Variants in CFAP299 observed in about 807,000 individuals in gnomAD.
The protein encoded by CFAP299 is cilia- and flagella-associated protein 299.
CFAP299 carries 21 observed loss-of-function variants against 27.0 expected under a neutral mutation model. The ratio of observed to expected loss-of-function variants is 0.78; its 90% CI spans 0.55 to 1.12. The LOEUF (loss-of-function observed/expected upper bound fraction) is 1.12. Among genes scored for constraint, CFAP299 ranks in the 50% most tolerant of loss-of-function variants. CFAP299 has a pLI of 0.00. For synonymous variants in CFAP299, 104 were observed against 98.1 expected (o/e 1.06, Z -0.36); for missense variants, 310 against 276.6 (o/e 1.12, Z -0.86).
At chr4:80,357,930 A>G (rs150959843) in intron 1 of CFAP299, among the ~76,000 whole-genome samples, 52 of 152,228 alleles carry the variant, frequency 3.4e-4, no homozygotes, top group African/African-American at 1.2e-3. Context: ...TTGTAATATT[A>G]GGTTGTTAAC....
chr4:80,699,515 G>T (rs1213483052), intron 3 of CFAP299, among the ~76,000 whole-genome samples: 1 of 152,158 alleles, frequency 6.6e-6, no homozygotes, highest in African/African-American at 2.4e-5. Context: ...GGCAAAATGG[G>T]CAGTAAAGGT....
chr4:80,583,219 C>A, intron 3 of CFAP299, 36 bp downstream of exon 3: 3 of 1,174,940 alleles, frequency 2.6e-6, no homozygotes, highest in Non-Finnish European at 2.5e-6. Flanking sequence ...AAAATGTATA[C>A]ACTAAATGCA....
At chr4:80,859,277 A>G (rs1433388276) in intron 3 of CFAP299, among the ~76,000 whole-genome samples, 1 of 151,914 alleles carries the variant, frequency 6.6e-6, no homozygotes, top group African/African-American at 2.4e-5. Context: ...ATCTTCCTCC[A>G]TCCTTTTATT....
intron 3 of CFAP299, among the ~76,000 whole-genome samples, chr4:80,799,837 T>TATTTA (rs1363087893): frequency 2.6e-5 from 1 of 37,744 alleles, no homozygotes; most frequent in Non-Finnish European, 4.2e-5. Context: ...TATTTATATA[T>TATTTA]TATATTATAT....
chr4:80,890,250 T>C (rs1734196126), intron 4 of CFAP299, among the ~76,000 whole-genome samples: 1 of 152,106 alleles, frequency 6.6e-6, no homozygotes, highest in East Asian at 1.9e-4. Flanking sequence ...CACAAAAAGC[T>C]GTTAGAACCA....
intron 2 of CFAP299, among the ~76,000 whole-genome samples, chr4:80,376,332 CTGTT>C (rs1232952836): frequency 6.6e-6 from 1 of 151,980 alleles, no homozygotes; most frequent in African/African-American, 2.4e-5. Flanking sequence ...GATAATTGGG[CTGTT>C]TCTAGTTTTT....
At chr4:80,680,331 T>C (rs1719760393) in intron 3 of CFAP299, among the ~76,000 whole-genome samples, 6 of 152,156 alleles carry the variant, frequency 3.9e-5, no homozygotes, top group Admixed American at 2.0e-4. Context: ...AGTTTCTCAG[T>C]TTATACTTCT....
At chr4:80,887,586 T>C (rs866416582) in intron 4 of CFAP299, among the ~76,000 whole-genome samples, 41 of 151,600 alleles carry the variant, frequency 2.7e-4, no homozygotes, top group African/African-American at 9.0e-4. Context: ...CTAAAGAGAG[T>C]TCTTCAATCT....
chr4:80,569,016 T>G (rs1735449405), intron 2 of CFAP299, among the ~76,000 whole-genome samples: 1 of 152,142 alleles, frequency 6.6e-6, no homozygotes, highest in South Asian at 2.1e-4. Context: ...ATGACCACAC[T>G]GCCTATCAGG....
chr4:80,380,239 C>G (rs1249696532), intron 2 of CFAP299, among the ~76,000 whole-genome samples: 3 of 151,924 alleles, frequency 2.0e-5, no homozygotes, highest in Non-Finnish European at 4.4e-5. Flanking sequence ...AATATTTTTT[C>G]CGTCCTAGCC....
In CFAP299 at chr4:80,920,346, A is replaced by G. The variant is rs1735983956; in HGVS notation, c.477-24464A>G. 3.3e-5 allele frequency among the ~76,000 whole-genome samples: 5 copies of G among 152,138 alleles called. No individual in the cohort carries two copies. In the South Asian group the frequency reaches 1.0e-3, roughly 31 times the overall value. Reference sequence around the variant, plus strand: ...ACATTGAACCAAAGTTAAGCAAAGCAGTAGGGATGGGGTCAGGTAGGGCCA... The same window carrying G: ...ACATTGAACCAAAGTTAAGCAAAGCGGTAGGGATGGGGTCAGGTAGGGCCA... On this transcript the variant is annotated intron_variant, in intron 4 of 5. Coordinates refer to ENST00000358105, the MANE Select transcript of CFAP299 (RefSeq NM_152770.3).
rs944765047 is a variant in CFAP299, at chr4:80,848,179, C to T, written c.334-21814C>T. Among the ~76,000 whole-genome samples the T allele has an allele frequency of 2.6e-5, 4 of 151,814 alleles. No homozygotes were observed. The East Asian group carries it at 5.8e-4, about 22-fold the overall frequency. The stretch of plus-strand genomic sequence containing the variant: ...TGAGCTGAGATCATGCCACTGCACT[C>T]CAGTCTGGGCAATAGAGTGAGACCC... On this transcript the variant is annotated intron_variant, in intron 3 of 5. Coordinates refer to ENST00000358105, the MANE Select transcript of CFAP299 (RefSeq NM_152770.3).
At chr4:80,391,634 G>A (rs554412711) in intron 2 of CFAP299, among the ~76,000 whole-genome samples, 27 of 152,148 alleles carry the variant, frequency 1.8e-4, no homozygotes, top group Non-Finnish European at 3.5e-4. Flanking sequence ...TTGTGGTGAT[G>A]CTGGTGTAAA....
intron 3 of CFAP299, among the ~76,000 whole-genome samples, chr4:80,695,565 T>G (rs11732867): frequency 0.069 from 10,469 of 152,164 alleles, 804 homozygotes; most frequent in African/African-American, 0.18. Context: ...AATAAGCCTC[T>G]CCTTTTGTAT....
intron 3 of CFAP299, among the ~76,000 whole-genome samples, chr4:80,726,088 T>C (rs1181165906): frequency 6.6e-6 from 1 of 152,164 alleles, no homozygotes; most frequent in Non-Finnish European, 1.5e-5. Flanking sequence ...TCTTCTACAG[T>C]TTTGTGGATT....
intron 2 of CFAP299, among the ~76,000 whole-genome samples, chr4:80,369,740 G>A (rs1291929691): frequency 1.3e-5 from 2 of 152,220 alleles, no homozygotes; most frequent in Non-Finnish European, 2.9e-5. Context: ...AGTTCAGTGA[G>A]ACACTTGCTG....
intron 3 of CFAP299, among the ~76,000 whole-genome samples, chr4:80,595,019 C>T (rs1289715277): frequency 1.3e-5 from 2 of 152,088 alleles, no homozygotes; most frequent in East Asian, 1.9e-4. Flanking sequence ...CTCTAATTCT[C>T]CCCAGGGACT....
At chr4:80,434,094 A>C (rs1335218059) in intron 2 of CFAP299, among the ~76,000 whole-genome samples, 1 of 152,160 alleles carries the variant, frequency 6.6e-6, no homozygotes, top group Non-Finnish European at 1.5e-5. Flanking sequence ...ATTTATATTA[A>C]AATTTGTATT....
intron 3 of CFAP299, among the ~76,000 whole-genome samples, chr4:80,663,489 T>C (rs1429430494): frequency 6.6e-6 from 1 of 152,222 alleles, no homozygotes; most frequent in African/African-American, 2.4e-5. Context: ...GGCTGCATAG[T>C]ATTCCATGGT....
Sources: allele counts gnomAD v4.1 joint callset (sites outside exome capture counted in the v4.1 genomes callset), GRCh38; gene constraint gnomAD v4.1.1; transcripts MANE v1.5; gene names NCBI Gene and HGNC (gene_info 2026-07-23, HGNC 2026-07-21).